Variants in GEMIN5 observed in about 807,000 individuals in gnomAD.
GEMIN5 encodes gem-associated protein 5.
In GEMIN5, 124 loss-of-function variants were observed where a neutral mutation model predicts 176.9. The observed-to-expected ratio is 0.70, with a 90% CI of 0.61 to 0.81. The LOEUF is 0.81. Ranked by LOEUF, GEMIN5 falls within the 40% of genes least tolerant of loss-of-function variation. The probability of loss-of-function intolerance (pLI) is 0.00; values close to 1 mark genes in which losing one functional copy is unlikely to be tolerated. For missense variants in GEMIN5, 1,843 were observed against 1,814.6 expected (o/e 1.02, Z -0.28); for synonymous variants, 673 against 665.2 (o/e 1.01, Z -0.18).
At chr5:154,892,916 G>T (rs1763267101) in intron 24 of GEMIN5, among the ~76,000 whole-genome samples, 1 of 152,106 alleles carries the variant, frequency 6.6e-6, no homozygotes. Flanking sequence ...GGCCAACATG[G>T]TGAAACCCCG....
chr5:154,896,468 G>A, intron 23 of GEMIN5, 125 bp from the exon 24 acceptor site: 1 of 907,064 alleles, frequency 1.1e-6, no homozygotes, highest in African/African-American at 1.7e-5. Context: ...ACATTAGTGA[G>A]CTACCTGCCC....
At chr5:154,937,878 G>C in intron 1 of GEMIN5, 90 bp downstream of exon 1, 3 of 1,174,344 alleles carry the variant, frequency 2.6e-6, no homozygotes, top group Non-Finnish European at 3.4e-6. Flanking sequence ...AGTTTCCCTA[G>C]CTGTAGAAAA....
chr5:154,903,605 T>C (rs1370045561), intron 18 of GEMIN5, among the ~76,000 whole-genome samples: 2 of 152,218 alleles, frequency 1.3e-5, no homozygotes, highest in Middle Eastern at 3.4e-3. Flanking sequence ...AATAAAAGCA[T>C]AAAACATCTC....
At chr5:154,893,753 T>C (rs573607546) in intron 24 of GEMIN5, among the ~76,000 whole-genome samples, 2 of 151,640 alleles carry the variant, frequency 1.3e-5, no homozygotes, top group African/African-American at 2.4e-5. Flanking sequence ...TCTTCTTCTT[T>C]GTTTTTTTGA....
Position 154,901,453 on chromosome 5 carries a change from G to A in GEMIN5, c.2900C>T (p.Ala967Val), listed in dbSNP as rs751473417. 5.0e-6 allele frequency: 8 copies of A among 1,613,878 alleles called. No individual in the cohort carries two copies. In the Admixed American group the frequency reaches 6.7e-5, roughly 13 times the overall value. ...CTGAAAACACAGCTGTTTGGCAAAA[G>A]CTTCCACAGCCCATAGCCACACATG... ...GYHVWLWAVEAFAKQLCFQDQ... is the reference protein window; with the variant it reads ...GYHVWLWAVEVFAKQLCFQDQ... The change falls in exon 21 of 28, where the codon GCT (alanine) becomes GTT (valine). Residue 967 changes from alanine to valine, a missense_variant. Coordinates refer to ENST00000285873, the MANE Select transcript of GEMIN5 (RefSeq NM_015465.5).
At chr5:154,931,661 A>C in intron 4 of GEMIN5, 84 bp from the exon 5 acceptor site, 1 of 1,134,902 alleles carries the variant, frequency 8.8e-7, no homozygotes, top group Non-Finnish European at 1.3e-6. Context: ...AGTTTCCAAA[A>C]CTTAGCTATC....
Position 154,929,542 on chromosome 5 carries a change from C to T in GEMIN5, c.782-883G>A, listed in dbSNP as rs998874206. On this transcript the variant is annotated intron_variant, in intron 5 of 27. Coordinates refer to ENST00000285873, the MANE Select transcript of GEMIN5 (RefSeq NM_015465.5). ...CGCCAGGGCCTAACTCCTAGAGATTCGGACTCAGTAGATCTGAGGTGGGGT... is the reference window on the plus strand; with the variant it reads ...CGCCAGGGCCTAACTCCTAGAGATTTGGACTCAGTAGATCTGAGGTGGGGT... Among the ~76,000 whole-genome samples, 12 of 152,304 alleles carry T rather than the reference C, an allele frequency of 7.9e-5. No individual in the cohort carries two copies. The East Asian group carries it at 2.1e-3, about 27-fold the overall frequency.
In GEMIN5 at chr5:154,938,180, C is replaced by T. The variant is rs1176386365; in HGVS notation, c.-47G>A. ...AGAGAAGCTGCCACAGCCGACCGCT[C>T]GTAGCCTCACGCCTTAGGTAGGGAG... On this transcript the variant is annotated 5_prime_UTR_variant, in exon 1 of 28. Transcript: ENST00000285873. 1.5e-6 allele frequency: 2 copies of T among 1,304,542 alleles called. No individual in the cohort carries two copies. Among genetic ancestry groups the T allele is most frequent in the Admixed American group, 7.8e-5 (2 of 25,606 alleles). The allele number at this position is 1,304,542 out of a possible 1,614,324, so 80.8% of individuals were successfully genotyped here.
At position 154,921,380 on chromosome 5, in the gene GEMIN5, A is replaced by G. The variant is rs348739; in HGVS notation, c.1425T>C (p.Thr475=). 2.7e-6 allele frequency: 4 copies of G among 1,499,092 alleles called. No individual in the cohort carries two copies. Among genetic ancestry groups the G allele is most frequent in the Non-Finnish European group, 3.7e-6 (4 of 1,084,376 alleles). 92.9% of individuals were successfully genotyped at this position (1,499,092 alleles called of 1,614,324 possible). A position where few individuals can be genotyped will look rare whatever the true frequency, so the allele number is the denominator to read the frequency against. ...GGGGTACTGGTGGCCCCCAGGCTAA[A>G]GTATATACAGTCTTCTTATGATATG... is the stretch of plus-strand genomic sequence containing the variant. ...SSTYHKKTVY[T]LAWGPPVPPM... Residue 475 remains threonine, a synonymous_variant, in exon 10 of 28, where the codon ACT becomes ACC. Transcript: ENST00000285873.
At chr5:154,895,372 AG>A (rs1763328044) in intron 24 of GEMIN5, among the ~76,000 whole-genome samples, 1 of 151,952 alleles carries the variant, frequency 6.6e-6, no homozygotes, top group Non-Finnish European at 1.5e-5. Context: ...TATATTCACA[AG>A]GCAGACATAG....
chr5:154,935,803 CA>C (rs1310872749), intron 3 of GEMIN5, 37 bp downstream of exon 3: 2 of 1,460,778 alleles, frequency 1.4e-6, no homozygotes, highest in East Asian at 2.3e-5. Flanking sequence ...CGATCATAAA[CA>C]AACAAAAATC....
intron 24 of GEMIN5, among the ~76,000 whole-genome samples, chr5:154,895,338 A>G (rs376651888): frequency 8.1e-4 from 89 of 110,106 alleles, no homozygotes; most frequent in Admixed American, 1.3e-3. Flanking sequence ...CCAGAAAGGA[A>G]AAAAAAAAAA....
intron 26 of GEMIN5, among the ~76,000 whole-genome samples, chr5:154,890,163 G>A (rs977478141): frequency 6.6e-6 from 1 of 152,194 alleles, no homozygotes; most frequent in Admixed American, 6.5e-5. Flanking sequence ...TAATGGCTAT[G>A]AAGTGCTGCT....
intron 23 of GEMIN5, among the ~76,000 whole-genome samples, chr5:154,897,051 A>G (rs1763366241): frequency 1.3e-5 from 2 of 152,246 alleles, no homozygotes; most frequent in African/African-American, 4.8e-5. Context: ...TGTTTAAGAG[A>G]AAAATAAAAT....
chr5:154,932,891 TC>T (rs1239651573), intron 3 of GEMIN5, among the ~76,000 whole-genome samples: 1 of 152,204 alleles, frequency 6.6e-6, no homozygotes, highest in African/African-American at 2.4e-5. Flanking sequence ...GATAATTTTG[TC>T]CTAGTGCACT....
At position 154,891,710 on chromosome 5, in the gene GEMIN5, G is replaced by T. The variant is rs761352791; in HGVS notation, c.3793C>A (p.His1265Asn). 7.5e-6 allele frequency: 12 copies of T among 1,607,268 alleles called. No individual in the cohort carries two copies. Among genetic ancestry groups the T allele is most frequent in the South Asian group, 1.1e-5 (1 of 89,874 alleles). The change falls in exon 26 of 28, where the codon CAT becomes AAT. Residue 1265 changes from histidine to asparagine, a missense_variant. By Grantham distance (68) the His-to-Asn change is moderately conservative. Coordinates refer to ENST00000285873, the MANE Select transcript of GEMIN5 (RefSeq NM_015465.5). Reference protein sequence around the residue: ...CDHLRDKLGDHQSPATPAFKS... With the variant: ...CDHLRDKLGDNQSPATPAFKS... ...AAAGCTGGTGTGGCAGGGGATTGAT[G>T]GTCCCCCAACTTGTCTCTTAGGTGG...
intron 8 of GEMIN5, 23 bp from the exon 9 acceptor site, chr5:154,924,577 G>A (rs371379446): frequency 6.7e-7 from 1 of 1,502,630 alleles, no homozygotes; most frequent in East Asian, 2.3e-5. Context: ...GAGTTTCCAA[G>A]TGAGAATATA....
chr5:154,926,034 G>A lies in GEMIN5; in HGVS notation c.1121C>T (p.Thr374Ile), dbSNP rs749660791. The A allele has an allele frequency of 1.2e-6, 2 of 1,613,396 alleles. No individual in the cohort carries two copies. The highest frequency in any genetic ancestry group is 4.5e-5 in the East Asian group (2 of 44,874). Reference protein sequence around the residue: ...WDIATLECSWTLPSLGGFAYS... With the variant: ...WDIATLECSWILPSLGGFAYS... ...TGCAAACCCACCAAGGGAAGGAAGG[G>A]TCCAGCTGCACTCCAAGGTGGCTAT... Residue 374 changes from threonine (T) to isoleucine (I), a missense_variant, in exon 8 of 28, where the codon ACC becomes ATC. Thr to Ile is a moderately conservative substitution (Grantham distance 89). Coordinates refer to ENST00000285873, the MANE Select transcript of GEMIN5 (RefSeq NM_015465.5).
At chr5:154,932,429 C>T (rs1764188544) in intron 3 of GEMIN5, among the ~76,000 whole-genome samples, 179 bp from the exon 4 acceptor site, 1 of 152,098 alleles carries the variant, frequency 6.6e-6, no homozygotes. Flanking sequence ...AAGTGCTCAC[C>T]TTATGCCTCC....
Sources: gnomAD v4.1 joint callset for allele counts (sites outside exome capture counted in the v4.1 genomes callset) on GRCh38, gnomAD v4.1.1 for gene constraint, MANE v1.5 for transcripts, NCBI Gene and HGNC (gene_info 2026-07-23, HGNC 2026-07-21) for gene names.